Variants in PURG observed in about 807,000 individuals in gnomAD.
PURG encodes purine-rich element-binding protein gamma.
In PURG, 3 loss-of-function variants were observed where a neutral mutation model predicts 24.3. The observed-to-expected ratio is 0.12, with a 90% CI of 0.06 to 0.32. The LOEUF (loss-of-function observed/expected upper bound fraction) is 0.32, where lower values mean the gene tolerates loss of function less well. Ranked by LOEUF, PURG falls within the 10% of genes least tolerant of loss-of-function variation. The pLI is 1.00. For synonymous variants in PURG, 180 were observed against 173.1 expected, an observed-to-expected ratio of 1.04 and a Z score of -0.31; for missense variants, 371 against 439.1, an observed-to-expected ratio of 0.84 and a Z score of 1.39.
chr8:31,029,248 A>G (rs932642858), downstream of PURG, among the ~76,000 whole-genome samples: 3 of 151,844 alleles, frequency 2.0e-5, no homozygotes, highest in Non-Finnish European at 4.4e-5. Flanking sequence ...GGACTGGCAG[A>G]AGGCTTAATA....
Position 31,032,542 on chromosome 8 carries a change from G to A in PURG, c.241C>T (p.Arg81Trp), listed in dbSNP as rs775889537. 53 of 1,614,046 alleles carry A rather than the reference G, an allele frequency of 3.3e-5. No individual in the cohort carries two copies. Among genetic ancestry groups the A allele is most frequent in the African/African-American group, 4.0e-5 (3 of 74,926 alleles). ...RFYLDVKQSSRGRFLKIAEVW... is the reference protein window; with the variant it reads ...RFYLDVKQSSWGRFLKIAEVW... ...TCGGCTATCTTTAGGAAGCGGCCCC[G>A]GGAGCTTTGCTTCACGTCTAGGTAA... is the stretch of plus-strand genomic sequence containing the variant. The change falls in exon 2 of 2, where the codon CGG becomes TGG. Residue 81 changes from arginine to tryptophan, a missense_variant. Physicochemically the swap from Arg to Trp is moderately radical, Grantham distance 101. Coordinates refer to ENST00000523392, the MANE Select transcript of PURG (RefSeq NM_001323311.2). This position sits in a 1 kb window ranked among gnomAD's most constrained non-coding sequence, Gnocchi z 5.9.
chr8:31,019,753 G>A (rs966676954), intron 1 of PURG, among the ~76,000 whole-genome samples: 1 of 150,266 alleles, frequency 6.7e-6, no homozygotes, highest in Non-Finnish European at 1.5e-5. Context: ...GGCTGGTCTC[G>A]AACACCTGAC....
At chr8:31,015,121 A>G (rs1256149831) in intron 1 of PURG, among the ~76,000 whole-genome samples, 1 of 152,186 alleles carries the variant, frequency 6.6e-6, no homozygotes, top group African/African-American at 2.4e-5. Flanking sequence ...TTTAAAGAAA[A>G]GGTTGAGAAG....
intron 1 of PURG, among the ~76,000 whole-genome samples, chr8:31,019,172 T>A (rs866221258): frequency 2.1e-5 from 2 of 96,582 alleles, no homozygotes; most frequent in Non-Finnish European, 4.1e-5. Flanking sequence ...TATATATATA[T>A]ATATATATAT....
chr8:31,016,639 A>G (rs993082365), intron 1 of PURG, among the ~76,000 whole-genome samples: 11 of 151,140 alleles, frequency 7.3e-5, no homozygotes, highest in Non-Finnish European at 5.9e-5. Context: ...GTCTAAGTGA[A>G]TGACAAAGAG....
chr8:31,003,729 T>C (rs988526644), intron 1 of PURG, among the ~76,000 whole-genome samples: 2 of 151,454 alleles, frequency 1.3e-5, no homozygotes, highest in Non-Finnish European at 2.9e-5. Context: ...CCCACTGCAA[T>C]CCAGCCTGGG....
chr8:31,030,517 A>G (rs1386236486), downstream of PURG, among the ~76,000 whole-genome samples: 1 of 152,030 alleles, frequency 6.6e-6, no homozygotes, highest in East Asian at 1.9e-4. Flanking sequence ...ATACAGGTAA[A>G]TGGGTGAGTC....
rs751891314 is a variant in PURG, at chr8:31,032,273, G to A, written c.510C>T (p.Val170=). The change falls in exon 2 of 2, where the codon GTC becomes GTT. Residue 170 remains valine, a synonymous_variant. Transcript: ENST00000523392. This position sits in a 1 kb window ranked among gnomAD's most constrained non-coding sequence, Gnocchi z 5.9. ...CCCTCTCGATATAGTCTGTTTTCAG[G>A]ACACTGTGAGGATGCTCTTCGGACC... ...SVGSEEHPHS[V]LKTDYIERDN... The A allele has an allele frequency of 4.3e-6, 7 of 1,613,718 alleles. No homozygotes were observed. The African/African-American group carries it at 5.3e-5, about 12-fold the overall frequency.
rs1811071991 is a variant in PURG at position 31,025,415 on chromosome 8, A to ATTT, written c.864+6503_864+6504insAAA. Among the ~76,000 whole-genome samples, 3 of 152,096 alleles carry ATTT rather than the reference A, an allele frequency of 2.0e-5. No individual in the cohort carries two copies. In the South Asian group the frequency reaches 6.2e-4, roughly 31 times the overall value. ...ACAACACCTCTTTCATTTTGTAAAC[A>ATTT]GGACATTATGCTACCAAATATAGAG... On this transcript the variant is annotated intron_variant, in intron 1 of 1. Transcript: ENST00000339382.
Position 31,032,537 on chromosome 8 carries a change from G to A in PURG, c.246C>T (p.Gly82=), listed in dbSNP as rs201698401. 18 of 1,614,186 alleles carry A rather than the reference G, an allele frequency of 1.1e-5. No homozygotes were observed. In the Admixed American group the frequency reaches 2.7e-4, roughly 24 times the overall value. The change falls in exon 2 of 2, where the codon GGC becomes GGT. Residue 82 remains glycine (G), a synonymous_variant. Transcript: ENST00000523392. The surrounding 1 kb of genome is among the most constrained non-coding windows in gnomAD (Gnocchi z 5.9). ...AGACTTCGGCTATCTTTAGGAAGCG[G>A]CCCCGGGAGCTTTGCTTCACGTCTA... is the stretch of plus-strand genomic sequence containing the variant. The part of the protein sequence containing the change: ...FYLDVKQSSR[G]RFLKIAEVWI...
intron 1 of PURG, among the ~76,000 whole-genome samples, chr8:31,011,809 T>C (rs758309171): frequency 2.0e-5 from 3 of 152,148 alleles, no homozygotes; most frequent in African/African-American, 4.8e-5. Context: ...TGGCAAAAAG[T>C]AGCTACTCAA....
chr8:31,021,871 A>G (rs969301137), intron 1 of PURG, among the ~76,000 whole-genome samples: 1 of 151,940 alleles, frequency 6.6e-6, no homozygotes, highest in Non-Finnish European at 1.5e-5. Context: ...AGCAATAGTT[A>G]TTACTACTAA....
rs1029268030 is a variant in PURG at position 31,031,484 on chromosome 8, T to G, written c.*255A>C. The G allele has an allele frequency of 4.4e-5, 20 of 455,756 alleles. No homozygotes were observed. Among genetic ancestry groups the G allele is most frequent in the African/African-American group, 3.3e-4 (17 of 51,490 alleles). 28.2% of individuals were successfully genotyped at this position (455,756 alleles called of 1,614,324 possible). A position where few individuals can be genotyped will look rare whatever the true frequency, so the allele number is the denominator to read the frequency against. On this transcript the variant is annotated 3_prime_UTR_variant, in exon 2 of 2. Coordinates refer to ENST00000523392, the MANE Select transcript of PURG (RefSeq NM_001323311.2). ...TCAGAATGTCACATTTTGTGCTGAT[T>G]TGCATACTTCAATAGTCTGGAGCAG...
Position 30,996,544 on chromosome 8 carries a change from C to T in PURG, c.*49G>A, listed in dbSNP as rs1189691051. 2.1e-6 allele frequency: 3 copies of T among 1,396,160 alleles called. No individual in the cohort carries two copies. In the African/African-American group the frequency reaches 4.3e-5, roughly 20 times the overall value. The allele number at this position is 1,396,160 out of a possible 1,614,324, so 86.5% of individuals were successfully genotyped here. On this transcript the variant is annotated 3_prime_UTR_variant, in exon 2 of 2. Transcript: ENST00000339382. ...ATTCATGATGAACTTCAGTTCATTT[C>T]TTTCACCGAATGCCTTTATTCTGAG...
chr8:31,028,284 T>C (rs1450852964), downstream of PURG, among the ~76,000 whole-genome samples: 1 of 151,774 alleles, frequency 6.6e-6, no homozygotes, highest in Non-Finnish European at 1.5e-5. Context: ...TCTACCCTTC[T>C]CCATTACACT....
At chr8:31,016,823 A>C (rs1237898586) in intron 1 of PURG, among the ~76,000 whole-genome samples, 1 of 152,148 alleles carries the variant, frequency 6.6e-6, no homozygotes, top group African/African-American at 2.4e-5. Context: ...ATTTTAAAGG[A>C]TGCAACTGCT....
intron 1 of PURG, among the ~76,000 whole-genome samples, chr8:31,023,957 TA>T (rs1563309377): frequency 6.6e-6 from 1 of 152,114 alleles, no homozygotes; most frequent in Admixed American, 6.5e-5. Flanking sequence ...ATGCAGAATA[TA>T]AAAAATGATT....
intron 1 of PURG, among the ~76,000 whole-genome samples, chr8:31,025,223 CTTCAA>C (rs1185495942): frequency 2.6e-5 from 4 of 151,932 alleles, no homozygotes; most frequent in African/African-American, 9.6e-5. Context: ...ATGGGAAGCT[CTTCAA>C]TTAAGGATGG....
Position 31,015,623 on chromosome 8 carries a change from G to C in PURG, c.864+16296C>G, listed in dbSNP as rs182374964. 7.9e-5 allele frequency among the ~76,000 whole-genome samples: 12 copies of C among 152,326 alleles called. No homozygotes were observed. The East Asian group carries it at 2.1e-3, about 27-fold the overall frequency. ...AGTGGACTGATGTCAAGTAAGACCAGACAGACAGAACTTGAGTTTAGGAGG... is the reference window on the plus strand; with the variant it reads ...AGTGGACTGATGTCAAGTAAGACCACACAGACAGAACTTGAGTTTAGGAGG... On this transcript the variant is annotated intron_variant, in intron 1 of 1. Coordinates refer to the PURG transcript ENST00000339382.
Sources: gnomAD v4.1 joint callset for allele counts (sites outside exome capture counted in the v4.1 genomes callset) on GRCh38, gnomAD v4.1.1 for gene constraint, Gnocchi (gnomAD v3.1) non-coding constraint, MANE v1.5 for transcripts, NCBI Gene and HGNC (gene_info 2026-07-23, HGNC 2026-07-21) for gene names.